Variants in PCDHGA9 observed in about 807,000 individuals in gnomAD.
PCDHGA9 encodes protocadherin gamma subfamily A, 9.
In PCDHGA9, 37 loss-of-function variants were observed where a neutral mutation model predicts 62.5. The observed-to-expected ratio is 0.59, with a 90% CI of 0.46 to 0.78. PCDHGA9 has a LOEUF of 0.78. PCDHGA9 is among the 30% of genes least tolerant of loss of function. The probability of loss-of-function intolerance (pLI) is 0.00; values close to 1 mark genes in which losing one functional copy is unlikely to be tolerated. For missense variants in PCDHGA9, 1,138 were observed against 1,166.2 expected, an observed-to-expected ratio of 0.98 and a Z score of 0.35; for synonymous variants, 459 against 484.6, an observed-to-expected ratio of 0.95 and a Z score of 0.69.
chr5:141,405,433 T>A, intron 1 of PCDHGA9, 57 bp downstream of exon 1: 1 of 1,471,752 alleles, frequency 6.8e-7, no homozygotes, highest in Non-Finnish European at 9.3e-7. Flanking sequence ...TTTTGTTTTG[T>A]TTTTGAGACA....
In PCDHGA9 at chr5:141,410,525, T is replaced by G. The variant is rs6891442; in HGVS notation, c.2424+5149T>G. The G allele has an allele frequency of 1.9e-3, 3,112 of 1,613,920 alleles. 62 individuals are homozygous for G. In the African/African-American group the frequency reaches 0.034, roughly 18 times the overall value. On this transcript the variant is annotated intron_variant, in intron 1 of 3. Transcript: ENST00000573521. ...CCTAAAATGCAGTGTGCCCCTACAT[T>G]CCAATGAAGACATGGTTTGCAGTGT...
intron 1 of PCDHGA9, chr5:141,408,782 T>A: frequency 6.2e-7 from 1 of 1,612,108 alleles, no homozygotes. Context: ...ATACCCAGAG[T>A]TATCTCTGGA....
Position 141,432,394 on chromosome 5 carries a change from C to T in PCDHGA9, c.2424+27018C>T, listed in dbSNP as rs149830124. The T allele has an allele frequency of 1.7e-5, 27 of 1,614,260 alleles. No individual in the cohort carries two copies. The African/African-American group carries it at 2.7e-4, about 16-fold the overall frequency. On this transcript the variant is annotated intron_variant, in intron 1 of 3. Transcript: ENST00000573521. The surrounding 1 kb of genome is among the most constrained non-coding windows in gnomAD (Gnocchi z 6.0). ...ACGGGCACCCGCCCCTCAGCAGCAA[C>T]GTGTCGTTGAGCCTGTTCGTGCTGG...
intron 1 of PCDHGA9, chr5:141,468,330 C>CAAAAAAAAAAAAAAAAGAAAAAAAAAAA (rs2099163578): frequency 1.3e-5 from 1 of 79,888 alleles, no homozygotes; most frequent in African/African-American, 3.9e-5. Flanking sequence ...AACTCCATCT[C>CAAAAAAAAAAAAAAAAGAAAAAAAAAAA]AAAAAAAAAA....
chr5:141,495,810 C>T (rs1003475681), intron 2 of PCDHGA9, among the ~76,000 whole-genome samples: 1 of 152,088 alleles, frequency 6.6e-6, no homozygotes, highest in Non-Finnish European at 1.5e-5. Context: ...CGTTTCCTAG[C>T]GCCTTGTGTT....
chr5:141,423,501 C>G, intron 1 of PCDHGA9: 1 of 1,613,990 alleles, frequency 6.2e-7, no homozygotes, highest in African/African-American at 1.3e-5. Flanking sequence ...CCCACGAGGT[C>G]TCTCTCATTG....
chr5:141,489,447 G>A lies in PCDHGA9; in HGVS notation c.2425-5360G>A. The A allele has an allele frequency of 5.6e-6, 9 of 1,614,134 alleles. No homozygotes were observed. The highest frequency in any genetic ancestry group is 7.6e-6 in the Non-Finnish European group (9 of 1,180,028). ...GCCGGCGGCTGCAATTGGGCTCTGA[G>A]GAGAATGGGCGCTATTTTTCCCTGA... On this transcript the variant is annotated intron_variant, in intron 1 of 3. Coordinates refer to ENST00000573521, the MANE Select transcript of PCDHGA9 (RefSeq NM_018921.3). This position sits in a 1 kb window ranked among gnomAD's most constrained non-coding sequence, Gnocchi z 4.5.
At chr5:141,416,210 A>G (rs1264276644) in intron 1 of PCDHGA9, 2 of 152,420 alleles carry the variant, frequency 1.3e-5, no homozygotes, top group African/African-American at 4.8e-5. Flanking sequence ...TATTTATAAC[A>G]ATGTATGCTT....
chr5:141,428,679 TGGATGA>T (rs1231732563), intron 1 of PCDHGA9: 1 of 163,254 alleles, frequency 6.1e-6, no homozygotes, highest in Non-Finnish European at 1.3e-5. Flanking sequence ...CATTTACAAA[TGGATGA>T]GGTTTAATTT....
intron 1 of PCDHGA9, 67 bp downstream of exon 1, chr5:141,405,443 A>G (rs2154536495): frequency 7.2e-7 from 1 of 1,381,938 alleles, no homozygotes; most frequent in Non-Finnish European, 1.0e-6. Flanking sequence ...TTTTTGAGAC[A>G]GAGTCTTACT....
At chr5:141,492,505 C>A (rs1009723421) in intron 1 of PCDHGA9, among the ~76,000 whole-genome samples, 1 of 152,212 alleles carries the variant, frequency 6.6e-6, no homozygotes, top group Admixed American at 6.5e-5. Context: ...GACTCCGGAG[C>A]CTCCTCTCAC....
chr5:141,423,671 T>C (rs773279181), intron 1 of PCDHGA9: 7 of 1,550,720 alleles, frequency 4.5e-6, no homozygotes, highest in Non-Finnish European at 5.2e-6. Context: ...GTGAGATTTA[T>C]TTCTCTGCCT....
chr5:141,423,877 C>G, intron 1 of PCDHGA9: 1 of 1,283,890 alleles, frequency 7.8e-7, no homozygotes, highest in South Asian at 3.4e-5. Flanking sequence ...ATTTTTCAAT[C>G]TTGGCATATT....
intron 1 of PCDHGA9, among the ~76,000 whole-genome samples, chr5:141,435,286 A>G (rs1179151461): frequency 6.6e-6 from 1 of 152,194 alleles, no homozygotes; most frequent in Non-Finnish European, 1.5e-5. Context: ...CAGTATCCCA[A>G]GTCATTTCAT....
intron 1 of PCDHGA9, chr5:141,442,020 A>G (rs1461958612): frequency 4.6e-6 from 1 of 219,170 alleles, no homozygotes; most frequent in South Asian, 5.2e-5. Context: ...GATGGGCCAC[A>G]GGAAAGCGAC....
At chr5:141,454,977 T>C (rs1357011192) in intron 1 of PCDHGA9, among the ~76,000 whole-genome samples, 6 of 151,508 alleles carry the variant, frequency 4.0e-5, no homozygotes, top group Non-Finnish European at 8.8e-5. Context: ...CTGGCTAATT[T>C]TTTAAAAAAT....
intron 1 of PCDHGA9, chr5:141,421,898 A>T: frequency 6.2e-7 from 1 of 1,613,736 alleles, no homozygotes; most frequent in Non-Finnish European, 8.5e-7. Flanking sequence ...CCCATCCGAA[A>T]GGGCGCAGTT....
chr5:141,491,311 A>G lies in PCDHGA9; in HGVS notation c.2425-3496A>G. On this transcript the variant is annotated intron_variant, in intron 1 of 3. Transcript: ENST00000573521. This position sits in a 1 kb window ranked among gnomAD's most constrained non-coding sequence, Gnocchi z 6.9. The stretch of plus-strand genomic sequence containing the variant: ...ACACCCTCCTGAGCGTTCAGACCTT[A>G]CCCTTTACCTCATTGTGGCTCTAGC... 1 of 1,613,932 alleles carries G rather than the reference A, an allele frequency of 6.2e-7. No homozygotes were observed. Among genetic ancestry groups the G allele is most frequent in the Non-Finnish European group, 8.5e-7 (1 of 1,179,940 alleles).
rs1375121802 is a variant in PCDHGA9 at position 141,432,471 on chromosome 5, G to A, written c.2424+27095G>A. 2 of 1,614,094 alleles carry A rather than the reference G, an allele frequency of 1.2e-6. No homozygotes were observed. Among genetic ancestry groups the A allele is most frequent in the African/African-American group, 2.7e-5 (2 of 74,946 alleles). ...CTGTACCCCGCCCTCCCCACGGACG[G>A]TTCCACTGGCGTGGAGCTGGCTCCC... is the stretch of plus-strand genomic sequence containing the variant. On this transcript the variant is annotated intron_variant, in intron 1 of 3. Coordinates refer to ENST00000573521, the MANE Select transcript of PCDHGA9 (RefSeq NM_018921.3). The surrounding 1 kb of genome is among the most constrained non-coding windows in gnomAD (Gnocchi z 6.0).
Sources: gnomAD v4.1 joint callset for allele counts (sites outside exome capture counted in the v4.1 genomes callset) on GRCh38, gnomAD v4.1.1 for gene constraint, Gnocchi (gnomAD v3.1) non-coding constraint, MANE v1.5 for transcripts, NCBI Gene and HGNC (gene_info 2026-07-23, HGNC 2026-07-21) for gene names.